Variants in ETV4 observed in about 807,000 individuals in gnomAD.
ETV4 encodes ETS translocation variant 4.
ETV4 carries 42 observed loss-of-function variants against 65.9 expected under a neutral mutation model. The observed-to-expected ratio is 0.64, with a 90% CI of 0.50 to 0.82. ETV4 has a LOEUF of 0.82. ETV4 is among the 40% of genes least tolerant of loss of function. The probability of loss-of-function intolerance (pLI) is 0.00; values close to 1 mark genes in which losing one functional copy is unlikely to be tolerated. For synonymous variants in ETV4, 238 were observed against 260.0 expected, an observed-to-expected ratio of 0.92 and a Z score of 0.81; for missense variants, 583 against 630.3, an observed-to-expected ratio of 0.92 and a Z score of 0.80.
In ETV4 at chr17:43,528,392, G is replaced by T; in HGVS notation, c.*127C>A. On this transcript the variant is annotated 3_prime_UTR_variant, in exon 13 of 13. Coordinates refer to ENST00000319349, the MANE Select transcript of ETV4 (RefSeq NM_001079675.5). ...GCTCAGAGTCTGGGCTAGGGCAACT[G>T]GTAGGACAGTGGGGATCTGCCCCAG... 1 of 661,538 alleles carries T rather than the reference G, an allele frequency of 1.5e-6. No individual in the cohort carries two copies. The highest frequency in any genetic ancestry group is 2.6e-6 in the Non-Finnish European group (1 of 389,888). 41.0% of individuals were successfully genotyped at this position (661,538 alleles called of 1,614,324 possible).
chr17:43,535,750 G>A (rs1271818742), intron 5 of ETV4, among the ~76,000 whole-genome samples: 2 of 152,182 alleles, frequency 1.3e-5, no homozygotes, highest in Non-Finnish European at 2.9e-5. Flanking sequence ...AACCAAAAAT[G>A]TCTACAGATA....
intron 8 of ETV4, among the ~76,000 whole-genome samples, chr17:43,532,357 G>A (rs1970986504): frequency 6.6e-6 from 1 of 152,060 alleles, no homozygotes; most frequent in Admixed American, 6.6e-5. Flanking sequence ...AAATTAGCCG[G>A]GCACGGTGGC....
intron 7 of ETV4, 98 bp downstream of exon 7, chr17:43,533,089 C>G: frequency 2.0e-6 from 3 of 1,525,910 alleles, no homozygotes; most frequent in Non-Finnish European, 2.7e-6. Context: ...CCACTGCCCC[C>G]TGCCTCTACC....
intron 4 of ETV4, among the ~76,000 whole-genome samples, chr17:43,536,888 C>T (rs367868682): frequency 1.1e-4 from 17 of 152,342 alleles, no homozygotes; most frequent in African/African-American, 2.4e-4. Context: ...GAAGACTGTT[C>T]TCAGAACCTG....
At chr17:43,543,894 A>G (rs1971657202) in intron 4 of ETV4, 2 of 152,180 alleles carry the variant, frequency 1.3e-5, no homozygotes, top group Non-Finnish European at 2.9e-5. Context: ...TCTCACTCCA[A>G]GGATCTAGTC....
At chr17:43,530,503 G>C (rs1970857281) in intron 8 of ETV4, 1 of 1,155,968 alleles carries the variant, frequency 8.7e-7, no homozygotes, top group Non-Finnish European at 1.1e-6. Flanking sequence ...GAGGGAGGGT[G>C]AGATGAACGT....
intron 8 of ETV4, among the ~76,000 whole-genome samples, chr17:43,531,314 G>T (rs1970924040): frequency 6.6e-6 from 1 of 152,196 alleles, no homozygotes; most frequent in Non-Finnish European, 1.5e-5. Flanking sequence ...CCTGGGACTG[G>T]CCCTCCTTCG....
At chr17:43,536,297 T>A (rs754937968) in intron 5 of ETV4, 129 bp downstream of exon 5, 4 of 806,320 alleles carry the variant, frequency 5.0e-6, no homozygotes, top group Non-Finnish European at 8.3e-6. Flanking sequence ...GTTATTGCCT[T>A]GGTCTTTAAG....
rs770002811 is a variant in ETV4, at chr17:43,528,644, ACT to A, written c.1328_1329del (p.Glu443ValfsTer2). ...TCCTCCTCACTGACAGGCCGGTCAA[ACT>A]CAGCCTTGAGAGCTGGACGCTGATT... ...PDNQRPALKAEFDRPVSEEDT... is the reference protein window; with the variant it reads ...PDNQRPALKAXFDRPVSEEDT... On this transcript the variant is annotated frameshift_variant, in exon 13 of 13. Transcript: ENST00000319349. LOFTEE classifies it high-confidence loss of function. 2 of 1,614,032 alleles carry A rather than the reference ACT, an allele frequency of 1.2e-6. No homozygotes were observed. Among genetic ancestry groups the A allele is most frequent in the Admixed American group, 1.7e-5 (1 of 60,000 alleles).
intron 12 of ETV4, 64 bp downstream of exon 12, chr17:43,529,071 T>TC (rs1272360471): frequency 2.0e-6 from 3 of 1,467,576 alleles, no homozygotes; most frequent in Non-Finnish European, 2.9e-6. Flanking sequence ...GCTGACCCTC[T>TC]CCCCAGTCAG....
In ETV4 at chr17:43,528,371, A is replaced by C; in HGVS notation, c.*148T>G. ...TCCCAATGACTCCGGTGAGCAGCTCAGAGTCTGGGCTAGGGCAACTGGTAG... is the reference window on the plus strand; with the variant it reads ...TCCCAATGACTCCGGTGAGCAGCTCCGAGTCTGGGCTAGGGCAACTGGTAG... On this transcript the variant is annotated 3_prime_UTR_variant, in exon 13 of 13. Transcript: ENST00000319349. The C allele has an allele frequency of 1.7e-6, 1 of 579,434 alleles. No homozygotes were observed. The highest frequency in any genetic ancestry group is 3.0e-6 in the Non-Finnish European group (1 of 330,606). 35.9% of individuals were successfully genotyped at this position (579,434 alleles called of 1,614,324 possible).
At chr17:43,544,859 C>T in intron 4 of ETV4, 116 bp downstream of exon 4, 1 of 969,948 alleles carries the variant, frequency 1.0e-6, no homozygotes, top group Non-Finnish European at 1.6e-6. Flanking sequence ...CCTTGGAGAA[C>T]TCCTTGAGGC....
chr17:43,538,767 G>A (rs935623315), intron 4 of ETV4, among the ~76,000 whole-genome samples: 1 of 152,096 alleles, frequency 6.6e-6, no homozygotes, highest in Admixed American at 6.5e-5. Flanking sequence ...GTGGTTCTAG[G>A]GTGATGCAGT....
In ETV4 at chr17:43,536,459, C is replaced by T. The variant is rs1216469157; in HGVS notation, c.223G>A (p.Glu75Lys). ...LAEAQVPDSD[E>K]QFVPDFHSEN... ...GAATGGAAATCAGGAACAAACTGCTCATCACTGTCTGGTACCTGAGCTGCA... is the reference window on the plus strand; with the variant it reads ...GAATGGAAATCAGGAACAAACTGCTTATCACTGTCTGGTACCTGAGCTGCA... Residue 75 changes from glutamate (E) to lysine (K), a missense_variant, in exon 5 of 13, where the codon GAG becomes AAG. Coordinates refer to ENST00000319349, the MANE Select transcript of ETV4 (RefSeq NM_001079675.5). 2.5e-6 allele frequency: 4 copies of T among 1,614,236 alleles called. No homozygotes were observed. Among genetic ancestry groups the T allele is most frequent in the South Asian group, 2.2e-5 (2 of 91,084 alleles).
intron 4 of ETV4, chr17:43,544,144 T>C (rs1223149222): frequency 3.9e-5 from 6 of 152,220 alleles, no homozygotes; most frequent in Admixed American, 3.9e-4. Flanking sequence ...AAACCACCAT[T>C]TTCCCTCCCA....
At chr17:43,530,889 G>A (rs1970892946) in intron 8 of ETV4, among the ~76,000 whole-genome samples, 1 of 152,114 alleles carries the variant, frequency 6.6e-6, no homozygotes. Context: ...CCGGGAGGAG[G>A]CGGGAGGGTG....
intron 12 of ETV4, 34 bp downstream of exon 12, chr17:43,529,101 C>T: frequency 6.2e-7 from 1 of 1,603,142 alleles, no homozygotes; most frequent in Non-Finnish European, 8.5e-7. Context: ...GCCACTGCCC[C>T]CCACCACCTT....
intron 5 of ETV4, among the ~76,000 whole-genome samples, chr17:43,536,101 A>T (rs987287191): frequency 3.3e-5 from 5 of 150,786 alleles, no homozygotes; most frequent in African/African-American, 9.7e-5. Flanking sequence ...ACAGAGCAAG[A>T]CTCTGTCTTG....
At chr17:43,531,553 A>C (rs1970937011) in intron 8 of ETV4, among the ~76,000 whole-genome samples, 1 of 152,134 alleles carries the variant, frequency 6.6e-6, no homozygotes, top group Non-Finnish European at 1.5e-5. Flanking sequence ...AAAATACAAA[A>C]ACTAGCTGGG....
Sources: gnomAD v4.1 joint callset for allele counts (sites outside exome capture counted in the v4.1 genomes callset) on GRCh38, gnomAD v4.1.1 for gene constraint, MANE v1.5 for transcripts, NCBI Gene and HGNC (gene_info 2026-07-23, HGNC 2026-07-21) for gene names.